THSD7A: variants seen among roughly 807,000 people sequenced by gnomAD.
THSD7A encodes the protein thrombospondin type-1 domain-containing protein 7A.
THSD7A carries 96 observed loss-of-function variants against 231.3 expected under a neutral mutation model. The ratio of observed to expected loss-of-function variants is 0.41; its 90% CI spans 0.35 to 0.49. The LOEUF (loss-of-function observed/expected upper bound fraction) is 0.49, where lower values mean the gene tolerates loss of function less well. Ranked by LOEUF, THSD7A falls within the 20% of genes least tolerant of loss-of-function variation. The pLI, the probability that THSD7A is intolerant of heterozygous loss-of-function variation, is 0.05. For synonymous variants in THSD7A, 940 were observed against 743.3 expected, an observed-to-expected ratio of 1.26 and a Z score of -4.30; for missense variants, 2,290 against 2,070.2, an observed-to-expected ratio of 1.11 and a Z score of -2.06.
At chr7:11,732,890 T>C (rs10276476) in intron 1 of THSD7A, among the ~76,000 whole-genome samples, 110,867 of 151,558 alleles carry the variant, frequency 0.73, 40,615 homozygotes, top group South Asian at 0.79. Context: ...TTCAAAGAAA[T>C]ATGTGCATTG....
At chr7:11,509,700 T>G (rs1278104278) in intron 6 of THSD7A, among the ~76,000 whole-genome samples, 5 of 150,038 alleles carry the variant, frequency 3.3e-5, no homozygotes, top group African/African-American at 1.2e-4. Context: ...CGGGTGCCTG[T>G]AGTCCCAGCT....
intron 7 of THSD7A, 101 bp downstream of exon 7, chr7:11,481,687 T>C: frequency 1.6e-6 from 2 of 1,237,422 alleles, no homozygotes; most frequent in Admixed American, 2.8e-5. Context: ...GAATTTCTGG[T>C]TGTTGACTTT....
At chr7:11,536,518 A>G (rs935172899) in intron 6 of THSD7A, among the ~76,000 whole-genome samples, 1 of 152,104 alleles carries the variant, frequency 6.6e-6, no homozygotes, top group African/African-American at 2.4e-5. Context: ...CCTCAAGTAC[A>G]CTTTCCTTTT....
At chr7:11,498,483 C>T (rs1048183381) in intron 6 of THSD7A, among the ~76,000 whole-genome samples, 2 of 152,094 alleles carry the variant, frequency 1.3e-5, no homozygotes, top group Non-Finnish European at 2.9e-5. Flanking sequence ...TCTGAATTCC[C>T]CCTGGGACTG....
chr7:11,574,534 A>C (rs1360143561), intron 4 of THSD7A, among the ~76,000 whole-genome samples: 3 of 148,810 alleles, frequency 2.0e-5, no homozygotes, highest in Non-Finnish European at 1.5e-5. Context: ...TCCCGGGTTC[A>C]CGCCATTCTG....
chr7:11,443,642 A>C (rs1481186676), intron 13 of THSD7A, among the ~76,000 whole-genome samples: 4 of 152,012 alleles, frequency 2.6e-5, no homozygotes, highest in African/African-American at 9.7e-5. Flanking sequence ...ATACACAATA[A>C]AATTTATTTT....
At chr7:11,769,728 C>T (rs1783163548) in intron 1 of THSD7A, among the ~76,000 whole-genome samples, 1 of 151,940 alleles carries the variant, frequency 6.6e-6, no homozygotes, top group African/African-American at 2.4e-5. Flanking sequence ...TATTTATATC[C>T]AGTTTATTTT....
chr7:11,649,961 C>G (rs1442194927), intron 1 of THSD7A, among the ~76,000 whole-genome samples: 3 of 152,008 alleles, frequency 2.0e-5, no homozygotes, highest in African/African-American at 7.2e-5. Flanking sequence ...TATATTTTGA[C>G]AAACGGCAGA....
At chr7:11,522,540 G>A (rs918285602) in intron 6 of THSD7A, among the ~76,000 whole-genome samples, 21 of 152,114 alleles carry the variant, frequency 1.4e-4, no homozygotes, top group Admixed American at 6.5e-4. Flanking sequence ...GGTTGCTACC[G>A]TATTAGACAA....
intron 2 of THSD7A, among the ~76,000 whole-genome samples, chr7:11,631,654 CA>C (rs1781658521): frequency 6.6e-6 from 1 of 151,524 alleles, no homozygotes; most frequent in Non-Finnish European, 1.5e-5. Context: ...AAGGTTACAG[CA>C]GAAAAAAAAA....
chr7:11,398,971 C>CT (rs1233497367), intron 23 of THSD7A, among the ~76,000 whole-genome samples: 1 of 152,186 alleles, frequency 6.6e-6, no homozygotes, highest in Non-Finnish European at 1.5e-5. Flanking sequence ...GTTTACTACT[C>CT]TAATCTATTT....
rs1289191427 is a variant in THSD7A at position 11,560,855 on chromosome 7, AC to A, written c.1454-17739del. Among the ~76,000 whole-genome samples the A allele has an allele frequency of 2.6e-5, 4 of 152,166 alleles. No individual in the cohort carries two copies. The East Asian group carries it at 7.7e-4, about 29-fold the overall frequency. On this transcript the variant is annotated intron_variant, in intron 4 of 27. Coordinates refer to ENST00000423059, the MANE Select transcript of THSD7A (RefSeq NM_015204.3). ...TATAAAGAAAAACAAGGAATTACAA[AC>A]AAAAGTTTAGAAGAGGGTTTCCACT...
rs1463902526 is a variant in THSD7A, at chr7:11,632,694, C to T, written c.1022+3436G>A. Among the ~76,000 whole-genome samples the T allele has an allele frequency of 1.3e-5, 2 of 152,172 alleles. No individual in the cohort carries two copies. The highest frequency in any genetic ancestry group is 4.8e-5 in the African/African-American group (2 of 41,450). ...CTAATGTTTCACAGTTGAGCACCGT[C>T]CCAGCTTTCAGTCTGATGTCTCTTC... On this transcript the variant is annotated intron_variant, in intron 2 of 27. Coordinates refer to ENST00000423059, the MANE Select transcript of THSD7A (RefSeq NM_015204.3). This position sits in a 1 kb window ranked among gnomAD's most constrained non-coding sequence, Gnocchi z 4.1.
chr7:11,724,155 A>G (rs6460834), intron 1 of THSD7A, among the ~76,000 whole-genome samples: 56,925 of 151,736 alleles, frequency 0.38, 10,991 homozygotes, highest in South Asian at 0.51. Context: ...AGTAAGAGAG[A>G]TCAAGAATGT....
intron 1 of THSD7A, among the ~76,000 whole-genome samples, chr7:11,731,553 T>C (rs1562512678): frequency 6.6e-6 from 1 of 151,700 alleles, no homozygotes; most frequent in Non-Finnish European, 1.5e-5. Context: ...ATTGATCTTA[T>C]TTCCAATATC....
chr7:11,651,669 C>T (rs719914), intron 1 of THSD7A, among the ~76,000 whole-genome samples: 83,988 of 151,570 alleles, frequency 0.55, 23,447 homozygotes, highest in Admixed American at 0.62. Flanking sequence ...ACTTTTAAAC[C>T]CCTTAGACCT....
At chr7:11,664,098 A>G (rs1483967101) in intron 1 of THSD7A, among the ~76,000 whole-genome samples, 1 of 151,328 alleles carries the variant, frequency 6.6e-6, no homozygotes, top group Non-Finnish European at 1.5e-5. Context: ...CTTTTTATCT[A>G]CTCTTTTTAT....
chr7:11,478,061 T>C (rs570098853), intron 7 of THSD7A, among the ~76,000 whole-genome samples: 1 of 152,120 alleles, frequency 6.6e-6, no homozygotes, highest in Non-Finnish European at 1.5e-5. Context: ...TCTCCAGCAA[T>C]AAAAAAACCA....
Position 11,554,517 on chromosome 7 carries a change from G to C in THSD7A, c.1454-11400C>G, listed in dbSNP as rs533453562. On this transcript the variant is annotated intron_variant, in intron 4 of 27. Transcript: ENST00000423059. ...TTTTTTCTGAGAGTTTATTATGAAT[G>C]GATGCTAAATTTTGTTAAATAGCTT... Among the ~76,000 whole-genome samples, 76 of 152,072 alleles carry C rather than the reference G, an allele frequency of 5.0e-4. 1 individual carries two copies. The South Asian group carries it at 0.016, about 31-fold the overall frequency.
Sources: gnomAD v4.1 joint callset for allele counts (sites outside exome capture counted in the v4.1 genomes callset) on GRCh38, gnomAD v4.1.1 for gene constraint, Gnocchi (gnomAD v3.1) non-coding constraint, MANE v1.5 for transcripts, NCBI Gene and HGNC (gene_info 2026-07-23, HGNC 2026-07-21) for gene names.